Variants in ADGB observed in about 807,000 individuals in gnomAD.
The protein encoded by ADGB is androglobin, also known as calpain-7-like protein.
In ADGB, 172 loss-of-function variants were observed where a neutral mutation model predicts 210.5. That is an observed-to-expected ratio of 0.82 (90% CI 0.72 to 0.93). The LOEUF is 0.93. Among genes scored for constraint, ADGB ranks in the 40% least tolerant of loss-of-function variants. The pLI, the probability that ADGB is intolerant of heterozygous loss-of-function variation, is 0.00. For missense variants in ADGB, 2,025 were observed against 1,964.8 expected (o/e 1.03, Z -0.58); for synonymous variants, 658 against 662.7 (o/e 0.99, Z 0.11).
chr6:146,744,874 G>C (rs9322073), intron 25 of ADGB, among the ~76,000 whole-genome samples: 1 of 151,904 alleles, frequency 6.6e-6, no homozygotes, highest in African/African-American at 2.4e-5. Context: ...TTCTGAGTCT[G>C]AGCAAAAACA....
intron 5 of ADGB, among the ~76,000 whole-genome samples, chr6:146,661,212 CT>C (rs1199769467): frequency 4.4e-5 from 5 of 114,160 alleles, no homozygotes; most frequent in Admixed American, 3.5e-4. Flanking sequence ...ACTTTTTTTT[CT>C]TTTTTTCTTT....
At chr6:146,679,635 T>G (rs1254009453) in intron 9 of ADGB, among the ~76,000 whole-genome samples, 1 of 152,234 alleles carries the variant, frequency 6.6e-6, no homozygotes, top group Non-Finnish European at 1.5e-5. Context: ...AAGTGTAAAG[T>G]GGGTTCATAA....
chr6:146,762,949 C>T (rs1777516526), intron 27 of ADGB, among the ~76,000 whole-genome samples: 1 of 152,182 alleles, frequency 6.6e-6, no homozygotes, highest in Admixed American at 6.5e-5. Flanking sequence ...GTTTAGAATT[C>T]AGCTAAAGAC....
At chr6:146,795,096 C>G (rs370740024) in intron 33 of ADGB, among the ~76,000 whole-genome samples, 4 of 152,136 alleles carry the variant, frequency 2.6e-5, no homozygotes, top group South Asian at 2.1e-4. Flanking sequence ...TTACAAACAT[C>G]ATTAGCTGAA....
chr6:146,599,067 A>G lies in ADGB; in HGVS notation c.27A>G (p.Lys9=), dbSNP rs1243955495. Residue 9 remains lysine (K), a synonymous_variant, in exon 1 of 36, where the codon AAA becomes AAG. Transcript: ENST00000397944. MASKQTKK[K]EVHRINSAHG... ...TGGCCTCCAAACAAACCAAAAAGAA[A>G]GAGGTGCATCGTATCAACTCGGCGC... is the stretch of plus-strand genomic sequence containing the variant. 1.3e-6 allele frequency: 2 copies of G among 1,551,612 alleles called. No homozygotes were observed. Among genetic ancestry groups the G allele is most frequent in the African/African-American group, 2.7e-5 (2 of 73,064 alleles).
At chr6:146,671,103 G>A (rs1318989218) in intron 7 of ADGB, among the ~76,000 whole-genome samples, 1 of 152,162 alleles carries the variant, frequency 6.6e-6, no homozygotes, top group Non-Finnish European at 1.5e-5. Flanking sequence ...GGAATGGAAA[G>A]GTAAATAGGA....
chr6:146,664,645 G>T (rs1275987851), intron 6 of ADGB, among the ~76,000 whole-genome samples: 5 of 151,938 alleles, frequency 3.3e-5, no homozygotes, highest in Non-Finnish European at 7.4e-5. Context: ...AGAAAAAATT[G>T]TTTTGTGGGA....
At chr6:146,697,499 A>G (rs1296457945) in intron 12 of ADGB, among the ~76,000 whole-genome samples, 1 of 152,200 alleles carries the variant, frequency 6.6e-6, no homozygotes, top group Non-Finnish European at 1.5e-5. Context: ...AAGGAGTATA[A>G]TGACTAAGAC....
chr6:146,686,411 A>AT (rs774188451), intron 10 of ADGB, among the ~76,000 whole-genome samples: 1 of 152,050 alleles, frequency 6.6e-6, no homozygotes, highest in Non-Finnish European at 1.5e-5. Context: ...CCCTATTAAC[A>AT]TTTTGGCATA....
rs963357847 is a variant in ADGB at position 146,622,265 on chromosome 6, C to T, written c.75-13110C>T. Among the ~76,000 whole-genome samples, 4 of 152,160 alleles carry T rather than the reference C, an allele frequency of 2.6e-5. No individual in the cohort carries two copies. In the South Asian group the frequency reaches 6.2e-4, roughly 24 times the overall value. The stretch of plus-strand genomic sequence containing the variant: ...TTTTCTCACAATTCTGTAGCAAAGA[C>T]GTTCTGGTGGGCTCAGCTAGTTTCT... On this transcript the variant is annotated intron_variant, in intron 1 of 35. Coordinates refer to ENST00000397944, the MANE Select transcript of ADGB (RefSeq NM_024694.4).
Position 146,801,281 on chromosome 6 carries a change from T to A in ADGB, c.4634+2T>A. ...TATGGATTTAAGTCAATATGTTCGGTAAGTTTTCATAAACATGATTGATGC... is the reference window on the plus strand; with the variant it reads ...TATGGATTTAAGTCAATATGTTCGGAAAGTTTTCATAAACATGATTGATGC... On this transcript the variant is annotated splice_donor_variant, in intron 34 of 35. Coordinates refer to ENST00000397944, the MANE Select transcript of ADGB (RefSeq NM_024694.4). LOFTEE classifies it high-confidence loss of function. 2.1e-6 allele frequency: 3 copies of A among 1,451,726 alleles called. No individual in the cohort carries two copies. The highest frequency in any genetic ancestry group is 2.8e-6 in the Non-Finnish European group (3 of 1,088,008). 89.9% of individuals were successfully genotyped at this position (1,451,726 alleles called of 1,614,324 possible). A position where few individuals can be genotyped will look rare whatever the true frequency, so the allele number is the denominator to read the frequency against.
At chr6:146,625,052 G>A (rs1780952721) in intron 1 of ADGB, among the ~76,000 whole-genome samples, 2 of 151,958 alleles carry the variant, frequency 1.3e-5, no homozygotes. Flanking sequence ...TTGTGATAGA[G>A]TGTCTTATAA....
At position 146,815,273 on chromosome 6, in the gene ADGB, A is replaced by C; in HGVS notation, c.*56A>C. 2 of 1,318,388 alleles carry C rather than the reference A, an allele frequency of 1.5e-6. No individual in the cohort carries two copies. The highest frequency in any genetic ancestry group is 2.0e-6 in the Non-Finnish European group (2 of 1,003,114). 81.7% of individuals were successfully genotyped at this position (1,318,388 alleles called of 1,614,324 possible). Reference sequence around the variant, plus strand: ...GGAGAGAAAAAATCTATTTGTAATGATCTTTAACTGCCTGCTGTTAAGATA... The same window carrying C: ...GGAGAGAAAAAATCTATTTGTAATGCTCTTTAACTGCCTGCTGTTAAGATA... On this transcript the variant is annotated 3_prime_UTR_variant, in exon 36 of 36. Coordinates refer to ENST00000397944, the MANE Select transcript of ADGB (RefSeq NM_024694.4).
chr6:146,704,580 C>T (rs893168549), intron 13 of ADGB, among the ~76,000 whole-genome samples: 3 of 151,918 alleles, frequency 2.0e-5, no homozygotes, highest in Admixed American at 2.0e-4. Flanking sequence ...ATTGTGTGTT[C>T]TTGTCAATCT....
intron 1 of ADGB, among the ~76,000 whole-genome samples, chr6:146,604,929 G>A (rs532429544): frequency 1.3e-5 from 2 of 152,182 alleles, no homozygotes; most frequent in East Asian, 3.9e-4. Context: ...TTCCAACTGG[G>A]GCTGGTTTTT....
rs748824670 is a variant in ADGB, at chr6:146,716,948, A to G, written c.1807A>G (p.Arg603Gly). The G allele has an allele frequency of 6.4e-6, 10 of 1,551,510 alleles. No homozygotes were observed. Among genetic ancestry groups the G allele is most frequent in the Non-Finnish European group, 8.7e-6 (10 of 1,146,938 alleles). Reference sequence around the variant, plus strand: ...TCAGAGTGATGGATTAAACTTGGAAAGAGAGATAGTCAGCCAGACCACAGC... The same window carrying G: ...TCAGAGTGATGGATTAAACTTGGAAGGAGAGATAGTCAGCCAGACCACAGC... ...AHQSDGLNLE[R>G]EIVSQTTATQ... Residue 603 changes from arginine (R) to glycine (G), a missense_variant, in exon 15 of 36, where the codon AGA becomes GGA. Transcript: ENST00000397944.
chr6:146,667,016 G>A, intron 7 of ADGB, 114 bp downstream of exon 7: 1 of 699,152 alleles, frequency 1.4e-6, no homozygotes, highest in Non-Finnish European at 2.3e-6. Context: ...TGCAAAATTT[G>A]GGGGAAAATA....
chr6:146,769,521 T>C (rs1777623813), intron 29 of ADGB, among the ~76,000 whole-genome samples: 1 of 152,156 alleles, frequency 6.6e-6, no homozygotes. Flanking sequence ...TCACAAATTC[T>C]TCAATTCCAG....
chr6:146,625,099 A>G (rs1404039529), intron 1 of ADGB, among the ~76,000 whole-genome samples: 1 of 151,942 alleles, frequency 6.6e-6, no homozygotes, highest in Non-Finnish European at 1.5e-5. Context: ...ACTGTTCTAT[A>G]TTCTTTATCT....
Sources: allele counts gnomAD v4.1 joint callset (sites outside exome capture counted in the v4.1 genomes callset), GRCh38; gene constraint gnomAD v4.1.1; transcripts MANE v1.5; gene names NCBI Gene and HGNC (gene_info 2026-07-23, HGNC 2026-07-21).